The following PWP1 variants were observed in gnomAD, a reference collection of about 807,000 sequenced individuals.
The protein encoded by PWP1 is periodic tryptophan protein 1 homolog.
Under a neutral mutation model 69.9 loss-of-function variants are expected in PWP1, and 47 were observed. The observed-to-expected ratio is 0.67, with a 90% CI of 0.53 to 0.86. PWP1 has a LOEUF of 0.86. PWP1 is among the 40% of genes least tolerant of loss of function. The pLI, the probability that PWP1 is intolerant of heterozygous loss-of-function variation, is 0.00. For missense variants in PWP1, 551 were observed against 608.8 expected, an observed-to-expected ratio of 0.91 and a Z score of 1.00; for synonymous variants, 222 against 208.2, an observed-to-expected ratio of 1.07 and a Z score of -0.57.
chr12:107,711,215 A>C (rs980676271), intron 14 of PWP1, among the ~76,000 whole-genome samples: 3 of 152,340 alleles, frequency 2.0e-5, no homozygotes, highest in African/African-American at 7.2e-5. Context: ...TAAGACACAG[A>C]TCGAGATCGC....
intron 13 of PWP1, 54 bp from the exon 14 acceptor site, chr12:107,710,351 A>G (rs934801997): frequency 1.9e-6 from 3 of 1,599,852 alleles, no homozygotes; most frequent in South Asian, 1.1e-5. Context: ...GAGGATCTAG[A>G]TATTAGCGCT....
At chr12:107,703,847 C>CA in intron 10 of PWP1, 101 bp downstream of exon 10, 1 of 1,064,360 alleles carries the variant, frequency 9.4e-7, no homozygotes, top group Non-Finnish European at 1.4e-6. Context: ...TCCTTGAGGC[C>CA]ACCTTTATGT....
At chr12:107,710,308 C>A in intron 13 of PWP1, 97 bp from the exon 14 acceptor site, 3 of 1,515,066 alleles carry the variant, frequency 2.0e-6, no homozygotes, top group South Asian at 1.3e-5. Flanking sequence ...TTTTGAATAA[C>A]CATTTAAATC....
intron 10 of PWP1, 32 bp downstream of exon 10, chr12:107,703,778 CTG>C (rs768362918): frequency 5.2e-6 from 8 of 1,550,480 alleles, no homozygotes; most frequent in Non-Finnish European, 7.1e-6. Flanking sequence ...GATTGCTACT[CTG>C]TTTTTATCCT....
At chr12:107,691,400 A>G (rs1005030357) in intron 3 of PWP1, among the ~76,000 whole-genome samples, 1 of 152,236 alleles carries the variant, frequency 6.6e-6, no homozygotes, top group Non-Finnish European at 1.5e-5. Context: ...AGAGGAAATC[A>G]TTAAAGGTTT....
intron 11 of PWP1, among the ~76,000 whole-genome samples, chr12:107,705,065 A>G (rs1340575574): frequency 2.0e-5 from 3 of 152,140 alleles, no homozygotes; most frequent in Non-Finnish European, 4.4e-5. Context: ...TTTAATGGCT[A>G]AATCAGTCCA....
Position 107,685,882 on chromosome 12 carries a change from G to C in PWP1, c.-18G>C. ...TGCAGCCTGGTTTCTAGCGTGACAC[G>C]CCCTTGACTTGAGGACCATGAACCG... On this transcript the variant is annotated 5_prime_UTR_variant, in exon 1 of 15. Coordinates refer to ENST00000412830, the MANE Select transcript of PWP1 (RefSeq NM_007062.3). 6.2e-7 allele frequency: 1 copy of C among 1,613,484 alleles called. No homozygotes were observed. Among genetic ancestry groups the C allele is most frequent in the Non-Finnish European group, 8.5e-7 (1 of 1,179,770 alleles).
rs1024720863 is a variant in PWP1, at chr12:107,712,438, A to T, written c.*218A>T. On this transcript the variant is annotated 3_prime_UTR_variant, in exon 15 of 15. Coordinates refer to ENST00000412830, the MANE Select transcript of PWP1 (RefSeq NM_007062.3). ...AAGGCTCTTGTTGCATTTCTTAAAA[A>T]AGAGTAATAAAAAGGATTTTTAAAA... The T allele has an allele frequency of 2.5e-6, 1 of 403,554 alleles. No homozygotes were observed. The highest frequency in any genetic ancestry group is 2.0e-5 in the African/African-American group (1 of 49,336). The allele number at this position is 403,554 out of a possible 1,614,324, so 25.0% of individuals were successfully genotyped here. A position where few individuals can be genotyped will look rare whatever the true frequency, so the allele number is the denominator to read the frequency against.
intron 8 of PWP1, among the ~76,000 whole-genome samples, chr12:107,702,151 T>C (rs1214696142): frequency 6.6e-6 from 1 of 152,242 alleles, no homozygotes; most frequent in Non-Finnish European, 1.5e-5. Flanking sequence ...TAAGTTTTGA[T>C]GCCAGGAAAT....
intron 11 of PWP1, among the ~76,000 whole-genome samples, chr12:107,708,312 A>T (rs1889869427): frequency 1.3e-5 from 2 of 152,196 alleles, no homozygotes; most frequent in Non-Finnish European, 2.9e-5. Context: ...AGACTGCCTC[A>T]GCCGTCCTTT....
chr12:107,694,705 G>C (rs1381383284), intron 5 of PWP1, among the ~76,000 whole-genome samples: 1 of 151,830 alleles, frequency 6.6e-6, no homozygotes, highest in Non-Finnish European at 1.5e-5. Flanking sequence ...TGTCATCATC[G>C]ATTTTTTTAT....
intron 10 of PWP1, among the ~76,000 whole-genome samples, chr12:107,704,239 T>C (rs1471728584): frequency 6.6e-6 from 1 of 152,216 alleles, no homozygotes; most frequent in Non-Finnish European, 1.5e-5. Flanking sequence ...ATTACAAAAG[T>C]GCATCCCTTG....
chr12:107,693,872 A>G (rs1470365660), intron 5 of PWP1, among the ~76,000 whole-genome samples: 1 of 152,074 alleles, frequency 6.6e-6, no homozygotes, highest in Non-Finnish European at 1.5e-5. Flanking sequence ...TGTTTTTTAA[A>G]TAGAGTTATT....
At position 107,712,428 on chromosome 12, in the gene PWP1, T is replaced by C; in HGVS notation, c.*208T>C. 1 of 423,754 alleles carries C rather than the reference T, an allele frequency of 2.4e-6. No homozygotes were observed. Among genetic ancestry groups the C allele is most frequent in the Non-Finnish European group, 4.2e-6 (1 of 238,470 alleles). The allele number at this position is 423,754 out of a possible 1,614,324, so 26.2% of individuals were successfully genotyped here. ...GATGGTTTGTAAGGCTCTTGTTGCA[T>C]TTCTTAAAAAAGAGTAATAAAAAGG... On this transcript the variant is annotated 3_prime_UTR_variant, in exon 15 of 15. Coordinates refer to ENST00000412830, the MANE Select transcript of PWP1 (RefSeq NM_007062.3).
intron 3 of PWP1, among the ~76,000 whole-genome samples, chr12:107,690,954 A>G (rs1889469117): frequency 6.6e-6 from 1 of 152,210 alleles, no homozygotes; most frequent in South Asian, 2.1e-4. Flanking sequence ...GACATGAGAC[A>G]TGGTCTGTGT....
chr12:107,686,468 G>T (rs564822939), intron 1 of PWP1, among the ~76,000 whole-genome samples: 1 of 152,318 alleles, frequency 6.6e-6, no homozygotes, highest in East Asian at 1.9e-4. Flanking sequence ...GAGATGAATA[G>T]GGAATTTCTT....
chr12:107,712,131 C>CGAGA lies in PWP1; in HGVS notation c.1421_1424dup (p.Leu476GlufsTer13). On this transcript the variant is annotated frameshift_variant, in exon 15 of 15. Transcript: ENST00000412830. LOFTEE classifies it high-confidence loss of function. ...TTTAGTAAATGAAGCATTTGGAAGA[C>CGAGA]GAGAGAGGCTTGTTCTTGGGAGTGC... is the stretch of plus-strand genomic sequence containing the variant. The CGAGA allele has an allele frequency of 3.1e-6, 5 of 1,613,822 alleles. No individual in the cohort carries two copies. The highest frequency in any genetic ancestry group is 4.2e-6 in the Non-Finnish European group (5 of 1,179,822).
intron 2 of PWP1, 44 bp from the exon 3 acceptor site, chr12:107,688,571 A>G (rs369564899): frequency 6.2e-7 from 1 of 1,610,086 alleles, no homozygotes; most frequent in Non-Finnish European, 8.5e-7. Context: ...TTGTTATTAG[A>G]AGGTAGCATT....
intron 8 of PWP1, among the ~76,000 whole-genome samples, chr12:107,700,368 G>A (rs1889682808): frequency 6.6e-6 from 1 of 151,932 alleles, no homozygotes; most frequent in African/African-American, 2.4e-5. Context: ...CCCAGCCCTG[G>A]CAACCACCAC....
Sources: allele counts gnomAD v4.1 joint callset (sites outside exome capture counted in the v4.1 genomes callset), GRCh38; gene constraint gnomAD v4.1.1; transcripts MANE v1.5; gene names NCBI Gene and HGNC (gene_info 2026-07-23, HGNC 2026-07-21).